The following PCNX4 variants were observed in gnomAD, a reference collection of about 807,000 sequenced individuals.
The protein encoded by PCNX4 is pecanex 4.
In PCNX4, 103 loss-of-function variants were observed where a neutral mutation model predicts 107.2. That is an observed-to-expected ratio of 0.96 (90% CI 0.82 to 1.13). The LOEUF (loss-of-function observed/expected upper bound fraction) is 1.13, where lower values mean the gene tolerates loss of function less well. Among genes scored for constraint, PCNX4 ranks in the 50% most tolerant of loss-of-function variants. The pLI is 0.00. For missense variants in PCNX4, 1,528 were observed against 1,379.4 expected (o/e 1.11, Z -1.71); for synonymous variants, 541 against 481.7 (o/e 1.12, Z -1.61).
rs1566931630 is a variant in PCNX4, at chr14:60,107,845, C to A, written c.207C>A (p.Asp69Glu). 6.2e-7 allele frequency: 1 copy of A among 1,612,690 alleles called. No individual in the cohort carries two copies. Among genetic ancestry groups the A allele is most frequent in the East Asian group, 2.2e-5 (1 of 44,878 alleles). ...TLLYQLGILK[D>E]YYTAALSGGL... is the part of the protein sequence containing the mutation. Reference sequence around the variant, plus strand: ...TATACCAGTTAGGCATCCTGAAAGACTATTATACAGCAGCACTTTCAGGTG... The same window carrying A: ...TATACCAGTTAGGCATCCTGAAAGAATATTATACAGCAGCACTTTCAGGTG... Residue 69 changes from aspartate to glutamate, a missense_variant, in exon 2 of 11, where the codon GAC becomes GAA. Coordinates refer to ENST00000406854, the MANE Select transcript of PCNX4 (RefSeq NM_001330177.2).
In PCNX4 at chr14:60,135,310, C is replaced by G. The variant is rs982044405; in HGVS notation, c.*1089C>G. The G allele has an allele frequency of 3.3e-5, 5 of 152,100 alleles. No individual in the cohort carries two copies. In the East Asian group the frequency reaches 9.6e-4, roughly 29 times the overall value. 9.4% of individuals were successfully genotyped at this position (152,100 alleles called of 1,614,324 possible). A position where few individuals can be genotyped will look rare whatever the true frequency, so the allele number is the denominator to read the frequency against. On this transcript the variant is annotated 3_prime_UTR_variant, in exon 11 of 11. Coordinates refer to ENST00000406854, the MANE Select transcript of PCNX4 (RefSeq NM_001330177.2). ...TATTTAGTATGTGGACGAGTTCACT[C>G]TAACAATGTTAAAGGATAAACTTTT...
intron 7 of PCNX4, among the ~76,000 whole-genome samples, chr14:60,120,938 A>T (rs948068354): frequency 6.6e-6 from 1 of 152,034 alleles, no homozygotes; most frequent in Non-Finnish European, 1.5e-5. Flanking sequence ...AACAACTTCT[A>T]ATTTGTTTTT....
At chr14:60,106,059 T>C (rs1182902795) in intron 1 of PCNX4, among the ~76,000 whole-genome samples, 2 of 152,082 alleles carry the variant, frequency 1.3e-5, no homozygotes, top group Admixed American at 6.6e-5. Flanking sequence ...CTGACGTCAG[T>C]GCAGGAGACA....
chr14:60,099,646 T>C (rs1465164041), intron 1 of PCNX4, among the ~76,000 whole-genome samples: 1 of 152,224 alleles, frequency 6.6e-6, no homozygotes, highest in Non-Finnish European at 1.5e-5. Context: ...TGGGAAGTAA[T>C]AATTTATCTT....
At chr14:60,132,051 A>G (rs1454370375) in intron 10 of PCNX4, among the ~76,000 whole-genome samples, 1 of 152,214 alleles carries the variant, frequency 6.6e-6, no homozygotes, top group Non-Finnish European at 1.5e-5. Flanking sequence ...TTTTTAAAAA[A>G]TGGAAATTTA....
At chr14:60,104,478 A>G (rs980917773) in intron 1 of PCNX4, among the ~76,000 whole-genome samples, 3 of 152,214 alleles carry the variant, frequency 2.0e-5, no homozygotes, top group Non-Finnish European at 2.9e-5. Context: ...TATTTTGCTA[A>G]ATATGGGGAA....
intron 8 of PCNX4, among the ~76,000 whole-genome samples, chr14:60,121,792 C>G (rs892705523): frequency 8.5e-5 from 13 of 152,092 alleles, no homozygotes; most frequent in Admixed American, 7.2e-4. Flanking sequence ...ACTACTCCAC[C>G]CAGCCTGCTC....
intron 1 of PCNX4, among the ~76,000 whole-genome samples, chr14:60,106,933 A>G (rs957953083): frequency 1.3e-5 from 2 of 152,210 alleles, no homozygotes; most frequent in Non-Finnish European, 2.9e-5. Context: ...TTATACTTAG[A>G]TTTATATGGC....
At chr14:60,128,127 A>G (rs1896089264) in intron 10 of PCNX4, among the ~76,000 whole-genome samples, 1 of 152,086 alleles carries the variant, frequency 6.6e-6, no homozygotes, top group Non-Finnish European at 1.5e-5. Context: ...TCCAACATAC[A>G]CTTAGTATCG....
At position 60,124,579 on chromosome 14, in the gene PCNX4, C is replaced by T. The variant is rs755128058; in HGVS notation, c.2408C>T (p.Pro803Leu). 2.2e-5 allele frequency: 35 copies of T among 1,613,688 alleles called. No individual in the cohort carries two copies. The highest frequency in any genetic ancestry group is 3.0e-5 in the Non-Finnish European group (35 of 1,179,794). The stretch of plus-strand genomic sequence containing the variant: ...TTGCCTGCTTTGAACACTTTGCCAC[C>T]TCCCAAATCCCCAGAAGACATAGAC... ...LMLPALNTLPPPKSPEDIDSL... is the reference protein window; with the variant it reads ...LMLPALNTLPLPKSPEDIDSL... The change falls in exon 9 of 11, where the codon CCT (proline) becomes CTT (leucine). Residue 803 changes from proline to leucine, a missense_variant. Transcript: ENST00000406854.
chr14:60,133,548 C>T lies in PCNX4; in HGVS notation c.3268-422C>T. 3 of 396,304 alleles carry T rather than the reference C, an allele frequency of 7.6e-6. No individual in the cohort carries two copies. In the Admixed American group the frequency reaches 1.0e-4, roughly 14 times the overall value. 24.5% of individuals were successfully genotyped at this position (396,304 alleles called of 1,614,324 possible). A position where few individuals can be genotyped will look rare whatever the true frequency, so the allele number is the denominator to read the frequency against. ...ACGTATCTGTGACTATAATAAAAGC[C>T]ACTGAATTGCATATAGTAAGTAAAT... On this transcript the variant is annotated intron_variant, in intron 10 of 10. Coordinates refer to ENST00000406854, the MANE Select transcript of PCNX4 (RefSeq NM_001330177.2).
At chr14:60,132,779 G>A (rs1896178547) in intron 10 of PCNX4, among the ~76,000 whole-genome samples, 2 of 152,076 alleles carry the variant, frequency 1.3e-5, no homozygotes, top group African/African-American at 4.8e-5. Context: ...AGATTTTAAT[G>A]TGGACAAAGG....
intron 1 of PCNX4, among the ~76,000 whole-genome samples, chr14:60,098,765 C>T (rs922399931): frequency 4.0e-5 from 6 of 151,800 alleles, no homozygotes; most frequent in African/African-American, 1.5e-4. Context: ...ATGGTGAAAC[C>T]CCTTCTCTGC....
chr14:60,100,158 C>A (rs1415222812), intron 1 of PCNX4, among the ~76,000 whole-genome samples: 3 of 151,960 alleles, frequency 2.0e-5, no homozygotes, highest in Admixed American at 2.0e-4. Flanking sequence ...AAAAGTTCTT[C>A]CAAATTCGTA....
chr14:60,096,313 C>T (rs1189729196), intron 1 of PCNX4, among the ~76,000 whole-genome samples: 2 of 152,298 alleles, frequency 1.3e-5, no homozygotes, highest in Admixed American at 6.5e-5. Context: ...AGCATGACTT[C>T]CTTGTTTAGC....
chr14:60,098,162 C>T (rs888129172), intron 1 of PCNX4, among the ~76,000 whole-genome samples: 5 of 152,232 alleles, frequency 3.3e-5, no homozygotes, highest in East Asian at 3.9e-4. Flanking sequence ...ATGCCAGCCC[C>T]GAGATAACCT....
At position 60,115,410 on chromosome 14, in the gene PCNX4, C is replaced by A; in HGVS notation, c.1306C>A (p.Gln436Lys). The change falls in exon 4 of 11, where the codon CAA becomes AAA. Residue 436 changes from glutamine to lysine, a missense_variant. By Grantham distance (53) the Gln-to-Lys change is moderately conservative (BLOSUM62 1). Transcript: ENST00000406854. ...AACTGTGACTGTATTCTTTGAGAAGCAAACTAGGCTCATGAAGATTGGTAT... is the reference window on the plus strand; with the variant it reads ...AACTGTGACTGTATTCTTTGAGAAGAAAACTAGGCTCATGAAGATTGGTAT... ...VQTVTVFFEK[Q>K]TRLMKIGIVR... 1 of 1,561,078 alleles carries A rather than the reference C, an allele frequency of 6.4e-7. No homozygotes were observed. Among genetic ancestry groups the A allele is most frequent in the Non-Finnish European group, 8.7e-7 (1 of 1,155,992 alleles).
rs558349140 is a variant in PCNX4, at chr14:60,098,954, AAAAG to A, written c.-54+6543_-54+6546del. Among the ~76,000 whole-genome samples, 791 of 152,182 alleles carry A rather than the reference AAAAG, an allele frequency of 5.2e-3. 5 individuals are homozygous for A. The highest frequency in any genetic ancestry group is 8.2e-3 in the Non-Finnish European group (555 of 67,990). ...ACTCCGTCTCAAAAAGAAAAAAAAA[AAAAG>A]AAAGAAAAGACTCCAGAATTTAGCT... On this transcript the variant is annotated intron_variant, in intron 1 of 10. Coordinates refer to ENST00000406854, the MANE Select transcript of PCNX4 (RefSeq NM_001330177.2).
rs764543492 is a variant in PCNX4, at chr14:60,115,430, T to G, written c.1326T>G (p.Ile442Met). Residue 442 changes from isoleucine (I) to methionine (M), a missense_variant, in exon 4 of 11, where the codon ATT (isoleucine) becomes ATG (methionine). Ile to Met is a conservative substitution (Grantham distance 10, BLOSUM62 1). Transcript: ENST00000406854. ...AGAAGCAAACTAGGCTCATGAAGAT[T>G]GGTATTGTCAGACGGATTTTGCTAA... Reference protein sequence around the residue: ...FFEKQTRLMKIGIVRRILLTL... With the variant: ...FFEKQTRLMKMGIVRRILLTL... The G allele has an allele frequency of 6.5e-7, 1 of 1,539,146 alleles. No individual in the cohort carries two copies. Among genetic ancestry groups the G allele is most frequent in the Non-Finnish European group, 8.7e-7 (1 of 1,147,142 alleles).
Sources: gnomAD v4.1 joint callset for allele counts (sites outside exome capture counted in the v4.1 genomes callset) on GRCh38, gnomAD v4.1.1 for gene constraint, MANE v1.5 for transcripts, NCBI Gene and HGNC (gene_info 2026-07-23, HGNC 2026-07-21) for gene names.